HERC6: variants seen among roughly 807,000 people sequenced by gnomAD.
HERC6 encodes the protein probable E3 ubiquitin-protein ligase HERC6.
In HERC6, 101 loss-of-function variants were observed where a neutral mutation model predicts 114.5. That is an observed-to-expected ratio of 0.88 (90% CI 0.75 to 1.04). The LOEUF is 1.04. Among genes scored for constraint, HERC6 ranks in the 50% least tolerant of loss-of-function variants. The probability of loss-of-function intolerance (pLI) is 0.00; values close to 1 mark genes in which losing one functional copy is unlikely to be tolerated. For missense variants in HERC6, 1,133 were observed against 1,230.9 expected, an observed-to-expected ratio of 0.92 and a Z score of 1.19; for synonymous variants, 408 against 436.2, an observed-to-expected ratio of 0.94 and a Z score of 0.81.
At chr4:88,416,798 T>C (rs1736520919) in intron 12 of HERC6, among the ~76,000 whole-genome samples, 1 of 152,146 alleles carries the variant, frequency 6.6e-6, no homozygotes, top group Non-Finnish European at 1.5e-5. Context: ...GGAATCTCTA[T>C]GTGTTTGCTT....
chr4:88,409,419 G>GC (rs1735972246), intron 11 of HERC6, among the ~76,000 whole-genome samples: 2 of 152,152 alleles, frequency 1.3e-5, no homozygotes, highest in South Asian at 4.1e-4. Flanking sequence ...TATGATTGGG[G>GC]CCGAAAGAGG....
At chr4:88,434,483 G>C (rs1008808564) in intron 17 of HERC6, among the ~76,000 whole-genome samples, 1 of 152,202 alleles carries the variant, frequency 6.6e-6, no homozygotes, top group Non-Finnish European at 1.5e-5. Flanking sequence ...GAAGGCCTGA[G>C]GTTGAAGGTT....
chr4:88,413,160 G>T lies in HERC6; in HGVS notation c.1452G>T (p.Leu484=), dbSNP rs769663647. The part of the protein sequence containing the change: ...PHQEALSVFL[L]LPECPVMHDS... ...AAGAAGCTTTATCAGTTTTCCTCCT[G>T]CTCCCAGAATGTCCTGTGATGCATG... Residue 484 remains leucine (L), a synonymous_variant, in exon 12 of 23, where the codon CTG becomes CTT. Transcript: ENST00000264346. 2 of 1,613,518 alleles carry T rather than the reference G, an allele frequency of 1.2e-6. No homozygotes were observed. Among genetic ancestry groups the T allele is most frequent in the Non-Finnish European group, 1.7e-6 (2 of 1,179,566 alleles).
Position 88,437,694 on chromosome 4 carries a change from A to C in HERC6, c.2485-17A>C, listed in dbSNP as rs1269891282. 1.3e-6 allele frequency: 2 copies of C among 1,537,150 alleles called. No individual in the cohort carries two copies. Among genetic ancestry groups the C allele is most frequent in the Non-Finnish European group, 1.8e-6 (2 of 1,119,636 alleles). ...ACTTACTTTGATATTTGGTACCTGA[A>C]TACATTTTGGTTACAGATACACTGG... On this transcript the variant is annotated splice_polypyrimidine_tract_variant and intron_variant, in intron 19 of 22. Transcript: ENST00000264346.
At chr4:88,431,965 C>A (rs1211989495) in intron 17 of HERC6, among the ~76,000 whole-genome samples, 2 of 152,178 alleles carry the variant, frequency 1.3e-5, no homozygotes, top group Non-Finnish European at 2.9e-5. Flanking sequence ...TACTGCTTCT[C>A]AAAATTTAGG....
chr4:88,429,650 T>C (rs1021014576), intron 16 of HERC6, among the ~76,000 whole-genome samples: 1 of 152,166 alleles, frequency 6.6e-6, no homozygotes, highest in Non-Finnish European at 1.5e-5. Context: ...ATTTTCTCGA[T>C]GTCAGCCATG....
chr4:88,399,371 G>T (rs544278848), intron 8 of HERC6: 6 of 152,218 alleles, frequency 3.9e-5, no homozygotes, highest in African/African-American at 1.4e-4. Context: ...TCTGCTCTTG[G>T]TGCCTGGGAC....
chr4:88,390,194 A>AG (rs1258315205), intron 3 of HERC6, among the ~76,000 whole-genome samples: 19 of 151,270 alleles, frequency 1.3e-4, no homozygotes, highest in African/African-American at 4.4e-4. Flanking sequence ...AAAAAAAAAA[A>AG]AAAAAAAGAA....
chr4:88,412,943 G>C, intron 11 of HERC6, 134 bp from the exon 12 acceptor site: 1 of 655,116 alleles, frequency 1.5e-6, no homozygotes, highest in Admixed American at 2.7e-5. Context: ...CTCATCAATA[G>C]GTTTCAGAAT....
At position 88,378,865 on chromosome 4, in the gene HERC6, A is replaced by T. The variant is rs1733990660; in HGVS notation, c.-57A>T. 1 of 1,464,806 alleles carries T rather than the reference A, an allele frequency of 6.8e-7. No individual in the cohort carries two copies. The allele number at this position is 1,464,806 out of a possible 1,614,324, so 90.7% of individuals were successfully genotyped here. A position where few individuals can be genotyped will look rare whatever the true frequency, so the allele number is the denominator to read the frequency against. ...GCGCACCCAGTCACCAGCGTTCGGG[A>T]GCCTGTCGCAGCGGGACCGACGGAA... On this transcript the variant is annotated 5_prime_UTR_variant, in exon 1 of 23. Coordinates refer to ENST00000264346, the MANE Select transcript of HERC6 (RefSeq NM_017912.4).
At chr4:88,427,576 G>C (rs1737758623) in intron 15 of HERC6, among the ~76,000 whole-genome samples, 1 of 152,130 alleles carries the variant, frequency 6.6e-6, no homozygotes, top group Non-Finnish European at 1.5e-5. Flanking sequence ...GAAGAATCTA[G>C]TAATAACAGA....
rs529808837 is a variant in HERC6, at chr4:88,394,141, G to A, written c.759+559G>A. On this transcript the variant is annotated intron_variant, in intron 5 of 22. Coordinates refer to ENST00000264346, the MANE Select transcript of HERC6 (RefSeq NM_017912.4). ...AAGGTTTTCAAGATACATAACAAAA[G>A]CTAATTTCAGCTTTAGGAAGTATCT... 2.6e-5 allele frequency among the ~76,000 whole-genome samples: 4 copies of A among 152,198 alleles called. No homozygotes were observed. In the East Asian group the frequency reaches 5.8e-4, roughly 22 times the overall value.
At chr4:88,385,714 AT>A (rs1212890452) in intron 3 of HERC6, 139 bp downstream of exon 3, 2 of 569,010 alleles carry the variant, frequency 3.5e-6, no homozygotes, top group African/African-American at 2.0e-5. Flanking sequence ...TTGTTTTCCT[AT>A]TTTTTTCTCA....
At chr4:88,395,030 T>C (rs1392551991) in intron 5 of HERC6, among the ~76,000 whole-genome samples, 72 of 152,346 alleles carry the variant, frequency 4.7e-4, no homozygotes, top group Non-Finnish European at 1.5e-5. Context: ...GTCCTCACCA[T>C]ACAATATATT....
intron 2 of HERC6, among the ~76,000 whole-genome samples, chr4:88,383,821 G>A (rs1257394467): frequency 1.4e-5 from 2 of 141,530 alleles, no homozygotes; most frequent in African/African-American, 5.2e-5. Context: ...TTCCTAACCT[G>A]AAGGACTACA....
chr4:88,401,448 G>A (rs541106839), intron 8 of HERC6, among the ~76,000 whole-genome samples: 21 of 145,958 alleles, frequency 1.4e-4, no homozygotes, highest in African/African-American at 4.6e-4. Flanking sequence ...GCTGAGATGC[G>A]CCACTGCACT....
At position 88,417,424 on chromosome 4, in the gene HERC6, G is replaced by C; in HGVS notation, c.1559-1G>C. 6.2e-7 allele frequency: 1 copy of C among 1,607,428 alleles called. No individual in the cohort carries two copies. The highest frequency in any genetic ancestry group is 2.2e-5 in the East Asian group (1 of 44,686). On this transcript the variant is annotated splice_acceptor_variant, in intron 12 of 22. Transcript: ENST00000264346. LOFTEE classifies it high-confidence loss of function. ...TATCATGGCTAATTTTACACCCCCAGAGAAGTGTTGGGCATTTTTGCAAGA... is the reference window on the plus strand; with the variant it reads ...TATCATGGCTAATTTTACACCCCCACAGAAGTGTTGGGCATTTTTGCAAGA...
chr4:88,387,117 C>T (rs1734624801), intron 3 of HERC6, among the ~76,000 whole-genome samples: 1 of 152,176 alleles, frequency 6.6e-6, no homozygotes, highest in Non-Finnish European at 1.5e-5. Context: ...ATGAACTGGG[C>T]TGGGCATAGT....
Position 88,390,604 on chromosome 4 carries a change from T to C in HERC6, c.437-48T>C, listed in dbSNP as rs1031058369. 4 of 1,435,784 alleles carry C rather than the reference T, an allele frequency of 2.8e-6. No individual in the cohort carries two copies. The African/African-American group carries it at 5.7e-5, about 20-fold the overall frequency. The allele number at this position is 1,435,784 out of a possible 1,614,324, so 88.9% of individuals were successfully genotyped here. A position where few individuals can be genotyped will look rare whatever the true frequency, so the allele number is the denominator to read the frequency against. On this transcript the variant is annotated intron_variant, in intron 3 of 22. Transcript: ENST00000264346. ...AGAATTAGTAGTTTCTATTTGAATT[T>C]GGTATTCTAATATGTGTACAATTCT... is the stretch of plus-strand genomic sequence containing the variant.
Sources: gnomAD v4.1 joint callset for allele counts (sites outside exome capture counted in the v4.1 genomes callset) on GRCh38, gnomAD v4.1.1 for gene constraint, MANE v1.5 for transcripts, NCBI Gene and HGNC (gene_info 2026-07-23, HGNC 2026-07-21) for gene names.